The following PLEKHG4 variants were observed in gnomAD, a reference collection of about 807,000 sequenced individuals.
The protein encoded by PLEKHG4 is pleckstrin homology and RhoGEF domain containing G4.
A neutral mutation model predicts 136.9 loss-of-function variants in PLEKHG4; 85 were observed. The observed-to-expected ratio is 0.62, with a 90% CI of 0.52 to 0.74. PLEKHG4 has a LOEUF of 0.74. Among genes scored for constraint, PLEKHG4 ranks in the 30% least tolerant of loss-of-function variants. The pLI, the probability that PLEKHG4 is intolerant of heterozygous loss-of-function variation, is 0.00. For synonymous variants in PLEKHG4, 577 were observed against 646.9 expected (o/e 0.89, Z 1.64); for missense variants, 1,317 against 1,527.8 (o/e 0.86, Z 2.30).
Position 67,280,054 on chromosome 16 carries a change from C to A in PLEKHG4, c.10C>A (p.Pro4Thr), listed in dbSNP as rs780805547. The change falls in exon 2 of 22, where the codon CCC (proline) becomes ACC (threonine). Residue 4 changes from proline (P) to threonine (T), a missense_variant. Pro to Thr is a conservative substitution (Grantham distance 38). Coordinates refer to ENST00000379344, the MANE Select transcript of PLEKHG4 (RefSeq NM_001129729.3). The surrounding 1 kb of genome is among the most constrained non-coding windows in gnomAD (Gnocchi z 4.4). Reference sequence around the variant, plus strand: ...CCTTTAGGAGGGCGTGATGGAAAGGCCCCTGGAGAATGGGGATGAGTCCCC... The same window carrying A: ...CCTTTAGGAGGGCGTGATGGAAAGGACCCTGGAGAATGGGGATGAGTCCCC... MER[P>T]LENGDESPDS... 3.7e-6 allele frequency: 6 copies of A among 1,613,038 alleles called. No homozygotes were observed. In the East Asian group the frequency reaches 1.1e-4, roughly 30 times the overall value.
intron 10 of PLEKHG4, 38 bp downstream of exon 10, chr16:67,282,679 C>T (rs1280942539): frequency 1.2e-6 from 2 of 1,613,664 alleles, no homozygotes; most frequent in African/African-American, 1.3e-5. Context: ...CTGCCCCGAT[C>T]TCAGACGTGA....
intron 11 of PLEKHG4, among the ~76,000 whole-genome samples, chr16:67,283,595 G>A (rs528441925): frequency 1.3e-5 from 2 of 152,254 alleles, no homozygotes; most frequent in African/African-American, 4.8e-5. Flanking sequence ...GGGAGGGTAA[G>A]GGACAAGGAT....
chr16:67,287,268 G>A, intron 18 of PLEKHG4, 91 bp downstream of exon 18: 2 of 1,335,052 alleles, frequency 1.5e-6, no homozygotes, highest in Non-Finnish European at 2.1e-6. Flanking sequence ...AAAAGCTCGG[G>A]AAGTGGGGAG....
At position 67,282,001 on chromosome 16, in the gene PLEKHG4, G is replaced by A. The variant is rs750840230; in HGVS notation, c.1006-8G>A. The A allele has an allele frequency of 2.5e-6, 4 of 1,612,076 alleles. No homozygotes were observed. The highest frequency in any genetic ancestry group is 3.4e-6 in the Non-Finnish European group (4 of 1,178,814). On this transcript the variant is annotated splice_polypyrimidine_tract_variant and splice_region_variant and intron_variant, in intron 7 of 21. Transcript: ENST00000379344. ...TGCTGCTCCGGTCATGCCTGCCCCT[G>A]CTTACAGCGGCTGGAAGCTCTACTA...
At position 67,286,267 on chromosome 16, in the gene PLEKHG4, C is replaced by T. The variant is rs766571414; in HGVS notation, c.2443-7C>T. 3.7e-6 allele frequency: 6 copies of T among 1,608,118 alleles called. No individual in the cohort carries two copies. Among genetic ancestry groups the T allele is most frequent in the South Asian group, 3.3e-5 (3 of 90,998 alleles). ...TTGCACTGGGGCTGAGCCACATGTC[C>T]TTGTAGAGGGTGCAGTTTGGGATGT... On this transcript the variant is annotated splice_polypyrimidine_tract_variant and splice_region_variant and intron_variant, in intron 14 of 21. Transcript: ENST00000379344.
Position 67,288,272 on chromosome 16 carries a change from T to C in PLEKHG4, c.3326T>C (p.Leu1109Pro). The change falls in exon 20 of 22, where the codon CTG becomes CCG. Residue 1109 changes from leucine (L) to proline (P), a missense_variant. Physicochemically the swap from Leu to Pro is moderately conservative, Grantham distance 98. Coordinates refer to ENST00000379344, the MANE Select transcript of PLEKHG4 (RefSeq NM_001129729.3). ...GGAGACCCTGCCTCTTGCTCTGTTCTGGGGTCCCTCAACCTGCACCTGTAC... is the reference window on the plus strand; with the variant it reads ...GGAGACCCTGCCTCTTGCTCTGTTCCGGGGTCCCTCAACCTGCACCTGTAC... ...LPGDPASCSV[L>P]GSLNLHLYRD... 6.2e-7 allele frequency: 1 copy of C among 1,613,562 alleles called. No homozygotes were observed. The highest frequency in any genetic ancestry group is 8.5e-7 in the Non-Finnish European group (1 of 1,179,978).
rs768745954 is a variant in PLEKHG4, at chr16:67,282,701, A to G, written c.1393-41A>G. ...GATCTCAGACGTGAGCCCCCAGTCC[A>G]TAGCAGCTCTCTTCACTTTTCCCTG... On this transcript the variant is annotated intron_variant, in intron 10 of 21. Transcript: ENST00000379344. 6.8e-6 allele frequency: 11 copies of G among 1,613,102 alleles called. No individual in the cohort carries two copies. In the Admixed American group the frequency reaches 8.3e-5, roughly 12 times the overall value.
Position 67,280,133 on chromosome 16 carries a change from A to G in PLEKHG4, c.89A>G (p.Asp30Gly). 2 of 1,613,904 alleles carry G rather than the reference A, an allele frequency of 1.2e-6. No individual in the cohort carries two copies. The highest frequency in any genetic ancestry group is 2.2e-5 in the East Asian group (1 of 44,874). ...AGATTTGCTGTGTGCAGTTTCAGGG[A>G]TGCCTGGGAAGAGGAGGAACCTGCT... The part of the protein sequence containing the change: ...DWRFAVCSFR[D>G]AWEEEEPASQ... Residue 30 changes from aspartate (D) to glycine (G), a missense_variant, in exon 2 of 22, where the codon GAT (aspartate) becomes GGT (glycine). Physicochemically the swap from Asp to Gly is moderately conservative, Grantham distance 94. Coordinates refer to ENST00000379344, the MANE Select transcript of PLEKHG4 (RefSeq NM_001129729.3). The surrounding 1 kb of genome is among the most constrained non-coding windows in gnomAD (Gnocchi z 4.4).
chr16:67,287,584 G>A (rs896385849), intron 18 of PLEKHG4: 5 of 494,672 alleles, frequency 1.0e-5, no homozygotes, highest in African/African-American at 9.7e-5. Context: ...TTTTCATAGA[G>A]GTCTCATTAT....
chr16:67,288,034 G>T lies in PLEKHG4; in HGVS notation c.3220+20G>T, dbSNP rs956642431. The T allele has an allele frequency of 3.2e-6, 5 of 1,572,306 alleles. No homozygotes were observed. The highest frequency in any genetic ancestry group is 3.3e-5 in the Admixed American group (2 of 59,954). On this transcript the variant is annotated intron_variant, in intron 19 of 21. Coordinates refer to ENST00000379344, the MANE Select transcript of PLEKHG4 (RefSeq NM_001129729.3). ...GCCGAGGTAGCAGGCAGGCTACAGGGTGTGGGGGTGGGAGTAGGAAAGCTG... is the reference window on the plus strand; with the variant it reads ...GCCGAGGTAGCAGGCAGGCTACAGGTTGTGGGGGTGGGAGTAGGAAAGCTG...
At chr16:67,279,165 G>A (rs1235776017), upstream of PLEKHG4, 2 of 152,104 alleles carry the variant, frequency 1.3e-5, no homozygotes, top group African/African-American at 4.8e-5. Context: ...TCACCCACGC[G>A]GCCTTCCTGG....
Position 67,281,729 on chromosome 16 carries a change from G to A in PLEKHG4, c.897G>A (p.Glu299=), listed in dbSNP as rs2036236190. Residue 299 remains glutamate, a synonymous_variant, in exon 7 of 22, where the codon GAG becomes GAA. Transcript: ENST00000379344. The part of the protein sequence containing the change: ...LKEVPSGLQL[E]QLPSQSLLTH... ...AACACCTTCTTCTCCTGTAGCTGGA[G>A]CAGTTGCCTTCTCAGAGCCTGCTGA... 1 of 1,614,120 alleles carries A rather than the reference G, an allele frequency of 6.2e-7. No homozygotes were observed. Among genetic ancestry groups the A allele is most frequent in the Non-Finnish European group, 8.5e-7 (1 of 1,180,000 alleles).
At position 67,285,554 on chromosome 16, in the gene PLEKHG4, T is replaced by C. The variant is rs1348622499; in HGVS notation, c.2442+18T>C. ...TGCGCCATGTAAGCCCGACAGGCCA[T>C]GTGGTATCAGCTCGTTCTGCCACAC... On this transcript the variant is annotated intron_variant, in intron 14 of 21. Transcript: ENST00000379344. The C allele has an allele frequency of 2.5e-6, 4 of 1,603,302 alleles. No homozygotes were observed. Among genetic ancestry groups the C allele is most frequent in the Non-Finnish European group, 2.5e-6 (3 of 1,179,906 alleles).
Position 67,288,516 on chromosome 16 carries a change from A to C in PLEKHG4, c.3482A>C (p.Gln1161Pro). 2 of 1,614,100 alleles carry C rather than the reference A, an allele frequency of 1.2e-6. No individual in the cohort carries two copies. Among genetic ancestry groups the C allele is most frequent in the Non-Finnish European group, 1.7e-6 (2 of 1,179,958 alleles). The change falls in exon 21 of 22, where the codon CAA becomes CCA. Residue 1161 changes from glutamine (Q) to proline (P), a missense_variant. Coordinates refer to ENST00000379344, the MANE Select transcript of PLEKHG4 (RefSeq NM_001129729.3). ...GCTGAGGACTCAGAGATCTCGTCCC[A>C]ATGCCCATCAGCCAGTGGCTCCAGT... The part of the protein sequence containing the change: ...LTAEDSEISS[Q>P]CPSASGSSGS...
chr16:67,280,084 TCTCAGGG>T lies in PLEKHG4; in HGVS notation c.42_48del (p.Gln15MetfsTer71), dbSNP rs1473684187. 2 of 1,613,698 alleles carry T rather than the reference TCTCAGGG, an allele frequency of 1.2e-6. No individual in the cohort carries two copies. Among genetic ancestry groups the T allele is most frequent in the Non-Finnish European group, 1.7e-6 (2 of 1,179,880 alleles). ...GGAGAATGGGGATGAGTCCCCAGACTCTCAGGGCCATGCCACCGACTGGAGATTTGCT... is the reference window on the plus strand; with the variant it reads ...GGAGAATGGGGATGAGTCCCCAGACTCCATGCCACCGACTGGAGATTTGCT... On this transcript the variant is annotated frameshift_variant, in exon 2 of 22. Coordinates refer to ENST00000379344, the MANE Select transcript of PLEKHG4 (RefSeq NM_001129729.3). LOFTEE classifies it high-confidence loss of function. The surrounding 1 kb of genome is among the most constrained non-coding windows in gnomAD (Gnocchi z 4.4).
upstream of PLEKHG4, chr16:67,278,156 G>A (rs1359335936): frequency 6.6e-6 from 1 of 152,620 alleles, no homozygotes; most frequent in African/African-American, 2.4e-5. Context: ...GCCAAGGTTG[G>A]ATGATGCTTC....
At chr16:67,281,956 A>G in intron 7 of PLEKHG4, 53 bp from the exon 8 acceptor site, 1 of 1,560,066 alleles carries the variant, frequency 6.4e-7, no homozygotes, top group African/African-American at 1.4e-5. Flanking sequence ...GAACCCAGGA[A>G]GCCCAGGACC....
chr16:67,286,706 A>G (rs759173403), intron 16 of PLEKHG4, 40 bp downstream of exon 16: 3 of 1,601,696 alleles, frequency 1.9e-6, no homozygotes, highest in South Asian at 2.2e-5. Context: ...TGTGAAGAAG[A>G]AGGCAGAAGA....
At position 67,280,184 on chromosome 16, in the gene PLEKHG4, G is replaced by C; in HGVS notation, c.140G>C (p.Gly47Ala). 1 of 1,613,908 alleles carries C rather than the reference G, an allele frequency of 6.2e-7. No homozygotes were observed. Among genetic ancestry groups the C allele is most frequent in the Non-Finnish European group, 8.5e-7 (1 of 1,179,990 alleles). Residue 47 changes from glycine to alanine, a missense_variant, in exon 2 of 22, where the codon GGT becomes GCT. Physicochemically the swap from Gly to Ala is moderately conservative, Grantham distance 60. Transcript: ENST00000379344. This position sits in a 1 kb window ranked among gnomAD's most constrained non-coding sequence, Gnocchi z 4.4. ...TCCCAGATGCACGTTAAGGACCCAG[G>C]TCCTCCAAGACCACCAGCCGGGGCC... ...PASQMHVKDP[G>A]PPRPPAGATQ...
Sources: gnomAD v4.1 joint callset for allele counts (sites outside exome capture counted in the v4.1 genomes callset) on GRCh38, gnomAD v4.1.1 for gene constraint, Gnocchi (gnomAD v3.1) non-coding constraint, MANE v1.5 for transcripts, NCBI Gene and HGNC (gene_info 2026-07-23, HGNC 2026-07-21) for gene names.